The following LARGE1 variants were observed in gnomAD, a reference collection of about 807,000 sequenced individuals.
LARGE1 encodes the protein LARGE xylosyl- and glucuronyltransferase 1.
LARGE1 carries 43 observed loss-of-function variants against 87.6 expected under a neutral mutation model. The observed-to-expected ratio is 0.49, with a 90% CI of 0.38 to 0.63. The LOEUF is 0.63. LARGE1 is among the 30% of genes least tolerant of loss of function. LARGE1 has a pLI of 0.00. For missense variants in LARGE1, 802 were observed against 1,000.2 expected (o/e 0.80, Z 2.67); for synonymous variants, 434 against 394.6 (o/e 1.10, Z -1.18).
the LARGE1 span, among the ~76,000 whole-genome samples, chr22:33,068,594 G>A: frequency 3.9e-5 from 6 of 152,216 alleles, no homozygotes; most frequent in African/African-American, 1.4e-4. Context: ...GCAGTGAGCC[G>A]AGATGGCGCC....
At chr22:33,641,232 G>A (rs1021049219) in intron 3 of LARGE1, among the ~76,000 whole-genome samples, 2 of 152,164 alleles carry the variant, frequency 1.3e-5, no homozygotes, top group Non-Finnish European at 2.9e-5. Context: ...TGAAGCCTCC[G>A]CTGGTGATAC....
intron 9 of LARGE1, among the ~76,000 whole-genome samples, chr22:33,345,944 G>C (rs1939695127): frequency 6.6e-6 from 1 of 152,106 alleles, no homozygotes; most frequent in Admixed American, 6.6e-5. Flanking sequence ...TAAGAACATG[G>C]ATCTTATCTC....
rs115991573 is a variant in LARGE1 at position 33,368,859 on chromosome 22, A to C, written c.1131+13060T>G. Among the ~76,000 whole-genome samples, 382 of 152,354 alleles carry C rather than the reference A, an allele frequency of 2.5e-3. 1 individual carries two copies. The highest frequency in any genetic ancestry group is 8.8e-3 in the African/African-American group (368 of 41,582). On this transcript the variant is annotated intron_variant, in intron 9 of 14. Transcript: ENST00000397394. ...TCTAAAAAAATACGTACTTTAATTA[A>C]GAAATACTTTATTTCTAAAAAATGT...
rs200366425 is a variant in LARGE1, at chr22:33,305,838, C to CTTTTTT, written c.1452-1332_1452-1331insAAAAAA. ...AAATTGACCAGAAACATTTCTTTTT[C>CTTTTTT]TTTTTCTTTTTTTTTTTTTTGAGGC... On this transcript the variant is annotated intron_variant, in intron 11 of 14. Transcript: ENST00000397394. 2.4e-4 allele frequency among the ~76,000 whole-genome samples: 30 copies of CTTTTTT among 126,524 alleles called. 2 individuals are homozygous for CTTTTTT. Among genetic ancestry groups the CTTTTTT allele is most frequent in the African/African-American group, 8.1e-4 (25 of 30,974 alleles). 83.0% of individuals were successfully genotyped at this position (126,524 alleles called of 152,430 possible). A position where few individuals can be genotyped will look rare whatever the true frequency, so the allele number is the denominator to read the frequency against.
chr22:33,352,146 A>C (rs1940450600), intron 9 of LARGE1, among the ~76,000 whole-genome samples: 1 of 152,214 alleles, frequency 6.6e-6, no homozygotes, highest in Non-Finnish European at 1.5e-5. Context: ...ACCTCCTGAC[A>C]CAATGTGAGG....
intron 6 of LARGE1, among the ~76,000 whole-genome samples, chr22:33,508,367 C>G (rs993850665): frequency 6.6e-6 from 1 of 152,302 alleles, no homozygotes; most frequent in African/African-American, 2.4e-5. Flanking sequence ...TTCTCCTCTT[C>G]CAATGCACAC....
chr22:33,858,104 A>G (rs1304889203), intron 1 of LARGE1, among the ~76,000 whole-genome samples: 1 of 152,142 alleles, frequency 6.6e-6, no homozygotes, highest in Non-Finnish European at 1.5e-5. Context: ...CACGGAAGAG[A>G]ACCGTGGAAC....
the LARGE1 span, among the ~76,000 whole-genome samples, chr22:33,089,371 C>CTTCTTCTTCTTCTTCTTCTCCTTCTTCTT: frequency 2.6e-5 from 2 of 76,048 alleles, no homozygotes; most frequent in East Asian, 4.3e-4. Flanking sequence ...TTCTTCTTCT[C>CTTCTTCTTCTTCTTCTTCTCCTTCTTCTT]CTTCTTCTTC....
intron 2 of LARGE1, chr22:33,725,180 T>C (rs2083232172): frequency 6.5e-6 from 1 of 152,906 alleles, no homozygotes; most frequent in Non-Finnish European, 1.5e-5. Context: ...CTGGAAGCTC[T>C]GGAAAGGCCA....
intron 9 of LARGE1, among the ~76,000 whole-genome samples, chr22:33,371,351 C>T (rs1569103205): frequency 6.6e-6 from 1 of 152,172 alleles, no homozygotes; most frequent in South Asian, 2.1e-4. Flanking sequence ...TGGCAGCATA[C>T]ATTTTTGGCT....
intron 1 of LARGE1, among the ~76,000 whole-genome samples, chr22:33,919,416 T>C (rs1035879905): frequency 6.6e-6 from 1 of 152,188 alleles, no homozygotes; most frequent in Non-Finnish European, 1.5e-5. Context: ...TATACACTGA[T>C]CACTCCTCAC....
At chr22:33,760,996 C>T (rs1273058682) in intron 2 of LARGE1, among the ~76,000 whole-genome samples, 6 of 152,034 alleles carry the variant, frequency 3.9e-5, no homozygotes, top group Admixed American at 3.3e-4. Flanking sequence ...ACCACCACCA[C>T]GATGTTGAAT....
At chr22:33,503,661 C>T (rs1357266033) in intron 6 of LARGE1, among the ~76,000 whole-genome samples, 3 of 150,750 alleles carry the variant, frequency 2.0e-5, no homozygotes, top group Admixed American at 6.6e-5. Context: ...TAGCTGGGTG[C>T]GGTCGTGGGT....
chr22:33,120,087 A>T, the LARGE1 span, among the ~76,000 whole-genome samples: 1 of 152,280 alleles, frequency 6.6e-6, no homozygotes, highest in East Asian at 1.9e-4. Context: ...GAAATTAGTA[A>T]ATATATTGAC....
intron 6 of LARGE1, among the ~76,000 whole-genome samples, chr22:33,542,080 T>C (rs2077226736): frequency 6.8e-6 from 1 of 146,736 alleles, no homozygotes; most frequent in Non-Finnish European, 1.5e-5. Flanking sequence ...GAGAAACCCT[T>C]GAACCAAGGA....
chr22:33,803,797 A>G (rs2086233256), intron 1 of LARGE1, among the ~76,000 whole-genome samples: 1 of 152,202 alleles, frequency 6.6e-6, no homozygotes, highest in East Asian at 1.9e-4. Flanking sequence ...TAGGGTTTTC[A>G]CCCAGGACTG....
rs2065357194 is a variant in LARGE1 at position 33,387,255 on chromosome 22, C to T, written c.893-2951G>A. Reference sequence around the variant, plus strand: ...GCCCCGCCAACATGGCGAAACCCCACCTCTACTAAAAATACAAAAAAACTA... The same window carrying T: ...GCCCCGCCAACATGGCGAAACCCCATCTCTACTAAAAATACAAAAAAACTA... On this transcript the variant is annotated intron_variant, in intron 7 of 14. Transcript: ENST00000397394. Among the ~76,000 whole-genome samples the T allele has an allele frequency of 1.5e-5, 2 of 130,720 alleles. 1 individual carries two copies. The highest frequency in any genetic ancestry group is 1.5e-4 in the Admixed American group (2 of 13,644). The allele number at this position is 130,720 out of a possible 152,430, so 85.8% of individuals were successfully genotyped here. A position where few individuals can be genotyped will look rare whatever the true frequency, so the allele number is the denominator to read the frequency against.
At chr22:33,776,988 G>A (rs889538241) in intron 1 of LARGE1, among the ~76,000 whole-genome samples, 1 of 152,170 alleles carries the variant, frequency 6.6e-6, no homozygotes, top group African/African-American at 2.4e-5. Flanking sequence ...GGCCTCAAGA[G>A]AGTGTACAGG....
chr22:33,338,070 A>G (rs1387722769), intron 9 of LARGE1, among the ~76,000 whole-genome samples: 1 of 152,166 alleles, frequency 6.6e-6, no homozygotes, highest in Non-Finnish European at 1.5e-5. Flanking sequence ...TGAAATGGGA[A>G]TAATCTGTGC....
Sources: gnomAD v4.1 joint callset for allele counts (sites outside exome capture counted in the v4.1 genomes callset) on GRCh38, gnomAD v4.1.1 for gene constraint, MANE v1.5 for transcripts, NCBI Gene and HGNC (gene_info 2026-07-23, HGNC 2026-07-21) for gene names.